The following RNLS variants were observed in gnomAD, a reference collection of about 807,000 sequenced individuals.
The protein encoded by RNLS is renalase, FAD dependent amine oxidase, also known as renalase.
A neutral mutation model predicts 39.8 loss-of-function variants in RNLS; 39 were observed. The observed-to-expected ratio is 0.98, with a 90% CI of 0.76 to 1.28. RNLS has a LOEUF of 1.28. Among genes scored for constraint, RNLS ranks in the 50% most tolerant of loss-of-function variants. RNLS has a pLI of 0.00. For synonymous variants in RNLS, 147 were observed against 150.7 expected (o/e 0.98, Z 0.18); for missense variants, 410 against 413.3 (o/e 0.99, Z 0.07).
At chr10:88,390,619 AC>A in intron 4 of RNLS, among the ~76,000 whole-genome samples, 1 of 152,192 alleles carries the variant, frequency 6.6e-6, no homozygotes, top group African/African-American at 2.4e-5. Context: ...ATTTTAAAAA[AC>A]CCAAAGCCAA....
chr10:88,317,214 C>T (rs562379911), intron 5 of RNLS, among the ~76,000 whole-genome samples: 55 of 152,284 alleles, frequency 3.6e-4, no homozygotes, highest in African/African-American at 1.3e-3. Flanking sequence ...GTATTTGAAC[C>T]TCTGCATCCT....
intron 4 of RNLS, among the ~76,000 whole-genome samples, chr10:88,503,899 G>A (rs1449969802): frequency 1.3e-5 from 2 of 152,100 alleles, no homozygotes; most frequent in African/African-American, 4.8e-5. Flanking sequence ...TTAGATGTGG[G>A]GATAGGTGGA....
chr10:88,358,284 C>T (rs1234513408), intron 5 of RNLS, among the ~76,000 whole-genome samples: 6 of 152,136 alleles, frequency 3.9e-5, no homozygotes, highest in South Asian at 2.1e-4. Flanking sequence ...CCTTCAGGAA[C>T]GAACCTCCCA....
At chr10:88,273,907 A>G (rs1308714916) in exon 7 of RNLS, 1 of 152,218 alleles carries the variant, frequency 6.6e-6, no homozygotes, top group African/African-American at 2.4e-5. Context: ...TTGTTTACTC[A>G]TAAGGCAGAA....
chr10:88,453,747 A>C (rs1842473739), intron 4 of RNLS, among the ~76,000 whole-genome samples: 2 of 152,194 alleles, frequency 1.3e-5, no homozygotes, highest in Non-Finnish European at 2.9e-5. Context: ...CACTGATGAC[A>C]TCCTTTCTTT....
chr10:88,428,826 T>C (rs574044494), intron 4 of RNLS, among the ~76,000 whole-genome samples: 1 of 152,090 alleles, frequency 6.6e-6, no homozygotes, highest in South Asian at 2.1e-4. Context: ...TTGGGAATTA[T>C]ATTAATTTAC....
At chr10:88,250,518 C>T in the RNLS span, among the ~76,000 whole-genome samples, 3 of 152,224 alleles carry the variant, frequency 2.0e-5, no homozygotes, top group African/African-American at 7.2e-5. Flanking sequence ...TTTACCATGT[C>T]TACCAAGGCC....
chr10:88,179,118 A>G, the RNLS span, among the ~76,000 whole-genome samples: 3 of 152,354 alleles, frequency 2.0e-5, no homozygotes, highest in African/African-American at 4.8e-5. Flanking sequence ...TAAACACAAT[A>G]AATAAATTAT....
rs1454797019 is a variant in RNLS, at chr10:88,408,408, C to A, written c.527-45683G>T. ...AATATGATAGTAGTAAGAGGTGATG[C>A]GTTTTGAGAAGAGCCCTAATGAATA... On this transcript the variant is annotated intron_variant, in intron 4 of 6. Transcript: ENST00000331772. Among the ~76,000 whole-genome samples the A allele has an allele frequency of 7.2e-5, 11 of 151,996 alleles. No individual in the cohort carries two copies. In the East Asian group the frequency reaches 2.1e-3, roughly 29 times the overall value.
intron 5 of RNLS, among the ~76,000 whole-genome samples, chr10:88,347,612 C>A (rs1156909054): frequency 6.6e-6 from 1 of 151,906 alleles, no homozygotes; most frequent in Non-Finnish European, 1.5e-5. Context: ...ACCAACCCCC[C>A]CCAATAAAAA....
chr10:88,548,261 C>CAAAAAAAAAAAAAAAAAAAAAAAAAAAAA (rs869175046), intron 4 of RNLS, among the ~76,000 whole-genome samples: 7 of 32,412 alleles, frequency 2.2e-4, no homozygotes, highest in Non-Finnish European at 2.3e-4. Context: ...GACTCCGTCT[C>CAAAAAAAAAAAAAAAAAAAAAAAAAAAAA]AAAAAAAAAA....
At chr10:88,303,882 T>C (rs1844724667) in intron 6 of RNLS, among the ~76,000 whole-genome samples, 1 of 152,130 alleles carries the variant, frequency 6.6e-6, no homozygotes, top group Non-Finnish European at 1.5e-5. Context: ...GTGTACACAG[T>C]CACCAGCTGC....
chr10:88,224,183 G>C, the RNLS span, among the ~76,000 whole-genome samples: 2 of 152,152 alleles, frequency 1.3e-5, no homozygotes, highest in South Asian at 4.1e-4. Context: ...AATTTTAGAG[G>C]CTGGGAAGTC....
chr10:88,581,517 G>T (rs758124021), intron 3 of RNLS, 50 bp downstream of exon 3: 1 of 1,507,534 alleles, frequency 6.6e-7, no homozygotes, highest in South Asian at 1.3e-5. Flanking sequence ...TGTGTAACTT[G>T]TTTTTAAATG....
intron 4 of RNLS, among the ~76,000 whole-genome samples, chr10:88,376,774 CAATATATA>C (rs747935954): frequency 2.6e-5 from 4 of 152,078 alleles, no homozygotes; most frequent in Non-Finnish European, 5.9e-5. Context: ...CTACAATGAA[CAATATATA>C]AATATTGTGG....
chr10:88,209,240 C>A, the RNLS span, among the ~76,000 whole-genome samples: 3 of 152,040 alleles, frequency 2.0e-5, no homozygotes, highest in Non-Finnish European at 4.4e-5. Context: ...CATCCAGAAC[C>A]TGTGAATGTG....
At chr10:88,235,747 C>T in the RNLS span, among the ~76,000 whole-genome samples, 1 of 151,958 alleles carries the variant, frequency 6.6e-6, no homozygotes, top group East Asian at 1.9e-4. Flanking sequence ...AATATATAGA[C>T]AATTACTTTT....
At chr10:88,300,403 C>G (rs190170556) in intron 6 of RNLS, among the ~76,000 whole-genome samples, 13 of 152,332 alleles carry the variant, frequency 8.5e-5, no homozygotes, top group African/African-American at 3.1e-4. Flanking sequence ...TTCAGCCAAA[C>G]TGAGCTACTG....
chr10:88,394,336 C>T lies in RNLS; in HGVS notation c.527-31611G>A, dbSNP rs185249839. On this transcript the variant is annotated intron_variant, in intron 4 of 6. Coordinates refer to ENST00000331772, the MANE Select transcript of RNLS (RefSeq NM_001031709.3). ...ATCCAGAATCTACAATGAACTCAAA[C>T]GAATTTACAAGAAAAAAACAAACAA... Among the ~76,000 whole-genome samples the T allele has an allele frequency of 3.7e-3, 562 of 152,142 alleles. 1 individual carries two copies. Among genetic ancestry groups the T allele is most frequent in the Non-Finnish European group, 5.9e-3 (401 of 68,002 alleles).
Sources: allele counts gnomAD v4.1 joint callset (sites outside exome capture counted in the v4.1 genomes callset), GRCh38; gene constraint gnomAD v4.1.1; transcripts MANE v1.5; gene names NCBI Gene and HGNC (gene_info 2026-07-23, HGNC 2026-07-21).